TBC1D5: variants seen among roughly 807,000 people sequenced by gnomAD.
TBC1D5 encodes the protein TBC1 domain family member 5, also known as TBC1 domain family, member 5.
In TBC1D5, 75 loss-of-function variants were observed where a neutral mutation model predicts 100.3. That is an observed-to-expected ratio of 0.75 (90% confidence interval 0.62 to 0.91). The LOEUF is 0.91. Ranked by LOEUF, TBC1D5 falls within the 40% of genes least tolerant of loss-of-function variation. TBC1D5 has a pLI of 0.00. For synonymous variants in TBC1D5, 323 were observed against 325.6 expected (o/e 0.99, Z 0.09); for missense variants, 910 against 942.4 (o/e 0.97, Z 0.45).
At position 17,284,125 on chromosome 3, in the gene TBC1D5, T is replaced by TACACACACACACACACACAC. The variant is rs1559549230; in HGVS notation, c.1245+7769_1245+7770insGTGTGTGTGTGTGTGTGTGT. 2.1e-4 allele frequency among the ~76,000 whole-genome samples: 11 copies of TACACACACACACACACACAC among 53,456 alleles called. No individual in the cohort carries two copies. In the South Asian group the frequency reaches 2.8e-3, roughly 13 times the overall value. The allele number at this position is 53,456 out of a possible 152,430, so 35.1% of individuals were successfully genotyped here. On this transcript the variant is annotated intron_variant, in intron 15 of 21. Coordinates refer to ENST00000253692, the Ensembl canonical transcript of TBC1D5. ...ACACACACACACACACACACACACG[T>TACACACACACACACACACAC]ATTTTTAATTTAGACAGAGTCTTGG...
chr3:17,635,041 C>T (rs1000801878), intron 1 of TBC1D5, among the ~76,000 whole-genome samples: 5 of 152,070 alleles, frequency 3.3e-5, no homozygotes, highest in African/African-American at 1.2e-4. Context: ...ATACTATAAA[C>T]TAAATCTACA....
At chr3:17,726,349 A>G (rs770772327) in intron 1 of TBC1D5, among the ~76,000 whole-genome samples, 1 of 152,192 alleles carries the variant, frequency 6.6e-6, no homozygotes, top group South Asian at 2.1e-4. Context: ...AGCATTCCTT[A>G]TTCTATAAAA....
chr3:17,663,933 A>T (rs1335564654), intron 1 of TBC1D5, among the ~76,000 whole-genome samples: 2 of 152,218 alleles, frequency 1.3e-5, no homozygotes, highest in Non-Finnish European at 2.9e-5. Context: ...AGATGCAAAA[A>T]AAATCCCATT....
chr3:17,561,488 G>T (rs1187449844), intron 2 of TBC1D5, among the ~76,000 whole-genome samples: 2 of 152,074 alleles, frequency 1.3e-5, no homozygotes, highest in East Asian at 3.9e-4. Flanking sequence ...AAGCAAACAA[G>T]CTAGTTATTT....
intron 2 of TBC1D5, among the ~76,000 whole-genome samples, chr3:17,591,267 CAA>C (rs370530999): frequency 7.7e-5 from 6 of 78,354 alleles, no homozygotes; most frequent in African/African-American, 1.1e-4. Context: ...AAAAAAAAAA[CAA>C]AAACCCCAGA....
At chr3:17,254,532 T>A (rs1010819551) in intron 16 of TBC1D5, among the ~76,000 whole-genome samples, 2 of 152,100 alleles carry the variant, frequency 1.3e-5, no homozygotes, top group Non-Finnish European at 2.9e-5. Flanking sequence ...GGCTGTTGAG[T>A]ATTTTGCCTA....
chr3:17,161,718 G>A (rs1244538344), intron 21 of TBC1D5, among the ~76,000 whole-genome samples: 1 of 152,256 alleles, frequency 6.6e-6, no homozygotes, highest in Non-Finnish European at 1.5e-5. Context: ...ATGATATAGT[G>A]AGATGATATG....
intron 13 of TBC1D5, among the ~76,000 whole-genome samples, chr3:17,313,370 G>A (rs991188787): frequency 6.6e-6 from 1 of 152,112 alleles, no homozygotes; most frequent in Admixed American, 6.6e-5. Flanking sequence ...TAGGCTCCAT[G>A]AAAACTGTTT....
At chr3:17,435,989 T>A (rs1273903209) in intron 3 of TBC1D5, among the ~76,000 whole-genome samples, 1 of 152,160 alleles carries the variant, frequency 6.6e-6, no homozygotes, top group Non-Finnish European at 1.5e-5. Context: ...AGGAAGAGGT[T>A]TCGAATTTTT....
intron 16 of TBC1D5, 54 bp downstream of exon 16, chr3:17,258,452 A>T: frequency 6.5e-7 from 1 of 1,528,876 alleles, no homozygotes; most frequent in Non-Finnish European, 9.0e-7. Flanking sequence ...TTTCCTGATG[A>T]TCTCTGAGAC....
intron 3 of TBC1D5, among the ~76,000 whole-genome samples, chr3:17,431,778 G>T (rs1435256517): frequency 6.6e-6 from 1 of 151,974 alleles, no homozygotes; most frequent in African/African-American, 2.4e-5. Flanking sequence ...AACTTACTAA[G>T]CCAGAAAGGA....
At chr3:17,458,148 G>A (rs895002563) in intron 3 of TBC1D5, among the ~76,000 whole-genome samples, 3 of 152,126 alleles carry the variant, frequency 2.0e-5, no homozygotes, top group African/African-American at 7.2e-5. Context: ...GGTGAACACT[G>A]TGACCCTAAG....
In TBC1D5 at chr3:17,448,012, T is replaced by C. The variant is rs573133549; in HGVS notation, c.98-19493A>G. On this transcript the variant is annotated intron_variant, in intron 3 of 21. Coordinates refer to ENST00000253692, the Ensembl canonical transcript of TBC1D5. ...CTTTAATTTTTAGGGTAATTAACTT[T>C]GTAGCCAGGAGTGTTAGTGTGCACC... is the stretch of plus-strand genomic sequence containing the variant. Among the ~76,000 whole-genome samples, 20 of 152,308 alleles carry C rather than the reference T, an allele frequency of 1.3e-4. No individual in the cohort carries two copies. The South Asian group carries it at 4.1e-3, about 32-fold the overall frequency.
chr3:17,615,419 T>A (rs980123309), intron 2 of TBC1D5, among the ~76,000 whole-genome samples: 1 of 152,180 alleles, frequency 6.6e-6, no homozygotes, highest in Non-Finnish European at 1.5e-5. Flanking sequence ...TAGGGAGGAT[T>A]CCCTCTTTTC....
At chr3:17,280,098 A>G (rs756470271) in intron 15 of TBC1D5, among the ~76,000 whole-genome samples, 5 of 152,206 alleles carry the variant, frequency 3.3e-5, no homozygotes, top group Non-Finnish European at 7.3e-5. Flanking sequence ...CAGACAAAAA[A>G]CATTGTCTTC....
intron 13 of TBC1D5, among the ~76,000 whole-genome samples, chr3:17,314,766 G>C (rs1375869482): frequency 6.6e-6 from 1 of 152,186 alleles, no homozygotes; most frequent in African/African-American, 2.4e-5. Flanking sequence ...CAGGCTGTCA[G>C]AGCTCCTAAA....
At chr3:17,603,101 A>C (rs1009631628) in intron 2 of TBC1D5, among the ~76,000 whole-genome samples, 1 of 152,050 alleles carries the variant, frequency 6.6e-6, no homozygotes, top group African/African-American at 2.4e-5. Context: ...TCCTCTCTCC[A>C]AAGAAAATAG....
intron 8 of TBC1D5, among the ~76,000 whole-genome samples, chr3:17,387,537 A>C (rs950640527): frequency 3.3e-5 from 5 of 152,192 alleles, no homozygotes; most frequent in Admixed American, 3.3e-4. Context: ...TTATAGGTAT[A>C]AGAAATGTGG....
chr3:17,423,260 A>T (rs544545926), intron 4 of TBC1D5, among the ~76,000 whole-genome samples: 1 of 152,274 alleles, frequency 6.6e-6, no homozygotes, highest in Admixed American at 6.5e-5. Flanking sequence ...CTCTTTTCAA[A>T]TATGAAATAC....
Sources: allele counts gnomAD v4.1 joint callset (sites outside exome capture counted in the v4.1 genomes callset), GRCh38; gene constraint gnomAD v4.1.1; transcripts MANE v1.5; gene names NCBI Gene and HGNC (gene_info 2026-07-23, HGNC 2026-07-21).